The following CCDC7 variants were observed in gnomAD, a reference collection of about 807,000 sequenced individuals.
CCDC7 encodes the protein coiled-coil domain-containing protein 7.
In CCDC7, 183 loss-of-function variants were observed where a neutral mutation model predicts 196.9. The ratio of observed to expected loss-of-function variants is 0.93; its 90% CI spans 0.82 to 1.05. The LOEUF is 1.05. Among genes scored for constraint, CCDC7 ranks in the 50% least tolerant of loss-of-function variants. The probability of loss-of-function intolerance (pLI) is 0.00; values close to 1 mark genes in which losing one functional copy is unlikely to be tolerated. For synonymous variants in CCDC7, 525 were observed against 484.6 expected (o/e 1.08, Z -1.10); for missense variants, 1,540 against 1,482.2 (o/e 1.04, Z -0.64).
intron 3 of CCDC7, among the ~76,000 whole-genome samples, chr10:32,460,192 CAG>C (rs778840792): frequency 3.8e-4 from 57 of 151,974 alleles, no homozygotes; most frequent in African/African-American, 5.8e-4. Context: ...AAATTTCAAA[CAG>C]GGGCAAAATT....
chr10:32,594,491 G>A (rs1160273123), intron 18 of CCDC7, among the ~76,000 whole-genome samples: 2 of 152,170 alleles, frequency 1.3e-5, no homozygotes, highest in Non-Finnish European at 2.9e-5. Context: ...CATGTCATCT[G>A]CAAACAGGGG....
chr10:32,823,984 C>G (rs2090705969), intron 31 of CCDC7, among the ~76,000 whole-genome samples: 1 of 151,968 alleles, frequency 6.6e-6, no homozygotes, highest in Admixed American at 6.6e-5. Context: ...GTTACACCAC[C>G]TAAAATAGAC....
At chr10:32,851,786 A>G (rs901003210) in intron 39 of CCDC7, 21 bp from the exon 41 acceptor site, 5 of 1,604,844 alleles carry the variant, frequency 3.1e-6, no homozygotes, top group Non-Finnish European at 4.3e-6. Context: ...TATGGCTAAC[A>G]TATTTTCCAA....
intron 28 of CCDC7, among the ~76,000 whole-genome samples, chr10:32,739,503 A>G (rs1276928081): frequency 1.3e-5 from 2 of 151,896 alleles, no homozygotes; most frequent in East Asian, 3.9e-4. Context: ...TCCTGCTTAC[A>G]TTATCTATTT....
chr10:32,879,042 T>C (rs1416062666), downstream of CCDC7, among the ~76,000 whole-genome samples: 1 of 151,516 alleles, frequency 6.6e-6, no homozygotes, highest in East Asian at 2.0e-4. Flanking sequence ...ATTCTTTACT[T>C]GTCACTATCT....
At chr10:32,823,942 C>A (rs1285055323) in intron 31 of CCDC7, among the ~76,000 whole-genome samples, 1 of 152,064 alleles carries the variant, frequency 6.6e-6, no homozygotes, top group East Asian at 1.9e-4. Flanking sequence ...ATTTATTATT[C>A]TTTTTTATCA....
At chr10:32,811,893 A>T (rs1179687340) in intron 30 of CCDC7, among the ~76,000 whole-genome samples, 1 of 152,146 alleles carries the variant, frequency 6.6e-6, no homozygotes, top group Non-Finnish European at 1.5e-5. Context: ...GATCTATCCC[A>T]CGGATGTAAG....
intron 18 of CCDC7, among the ~76,000 whole-genome samples, chr10:32,594,041 T>G (rs962211135): frequency 6.6e-6 from 1 of 152,228 alleles, no homozygotes; most frequent in African/African-American, 2.4e-5. Context: ...GGCTCTTTTT[T>G]GGTTCCATAT....
chr10:32,640,797 G>C (rs183046677), intron 20 of CCDC7, among the ~76,000 whole-genome samples: 2 of 151,518 alleles, frequency 1.3e-5, no homozygotes, highest in African/African-American at 2.4e-5. Context: ...TGAAATTCTG[G>C]GTTGAAAATT....
chr10:32,821,398 G>C (rs1181625239), intron 31 of CCDC7, among the ~76,000 whole-genome samples: 1 of 152,180 alleles, frequency 6.6e-6, no homozygotes, highest in Admixed American at 6.5e-5. Flanking sequence ...GTGGAAGTCA[G>C]TGTGGCGATT....
At chr10:32,711,698 T>G in exon 25 of CCDC7, 2 of 1,587,510 alleles carry the variant, frequency 1.3e-6, no homozygotes, top group South Asian at 1.2e-5. Context: ...CAATTAGAGA[T>G]TCAAGAAACT....
At chr10:32,643,488 A>G (rs2067207697) in intron 20 of CCDC7, among the ~76,000 whole-genome samples, 1 of 151,956 alleles carries the variant, frequency 6.6e-6, no homozygotes, top group Admixed American at 6.6e-5. Flanking sequence ...GAACGTTTCA[A>G]TGTTTTAATT....
chr10:32,750,983 A>G (rs1014888188), intron 28 of CCDC7, among the ~76,000 whole-genome samples: 7 of 152,176 alleles, frequency 4.6e-5, no homozygotes, highest in African/African-American at 1.2e-4. Context: ...GGGTAGTGGT[A>G]TAAGAAATAA....
At chr10:32,466,104 C>T (rs1458929724) in intron 5 of CCDC7, among the ~76,000 whole-genome samples, 3 of 152,128 alleles carry the variant, frequency 2.0e-5, no homozygotes, top group African/African-American at 7.2e-5. Flanking sequence ...GGAGGAATCC[C>T]CACTGCACAG....
intron 33 of CCDC7, among the ~76,000 whole-genome samples, chr10:32,842,510 A>G (rs548828603): frequency 6.6e-6 from 1 of 152,238 alleles, no homozygotes; most frequent in African/African-American, 2.4e-5. Flanking sequence ...GTAAACTAGT[A>G]CAACCACTGT....
At chr10:32,833,353 TAAAA>T (rs71185223) in intron 32 of CCDC7, among the ~76,000 whole-genome samples, 29,926 of 149,944 alleles carry the variant, frequency 0.2, 3,116 homozygotes, top group Non-Finnish European at 0.22. Context: ...ACCCTTTTTT[TAAAA>T]AAAAAAAAAA....
In CCDC7 at chr10:32,754,928, G is replaced by A. The variant is rs550161957; in HGVS notation, c.2906-24049G>A. ...TGGGACACTCCCACCCTAATACTGCGCTTTTCCAATGGTCTTAGCAAACAG... is the reference window on the plus strand; with the variant it reads ...TGGGACACTCCCACCCTAATACTGCACTTTTCCAATGGTCTTAGCAAACAG... On this transcript the variant is annotated intron_variant, in intron 28 of 41. Transcript: ENST00000639629. 3.9e-4 allele frequency among the ~76,000 whole-genome samples: 59 copies of A among 151,776 alleles called. No homozygotes were observed. In the South Asian group the frequency reaches 7.9e-3, roughly 20 times the overall value.
At chr10:32,561,129 A>G (rs544468036) in intron 13 of CCDC7, among the ~76,000 whole-genome samples, 86 of 152,354 alleles carry the variant, frequency 5.6e-4, no homozygotes, top group African/African-American at 1.8e-3. Flanking sequence ...TCCTAAATAT[A>G]TATGCATCCA....
At chr10:32,557,692 A>T (rs1671647366) in intron 13 of CCDC7, among the ~76,000 whole-genome samples, 1 of 151,868 alleles carries the variant, frequency 6.6e-6, no homozygotes, top group Non-Finnish European at 1.5e-5. Flanking sequence ...TTTCCATTTG[A>T]CTATTTTTTT....
Sources: gnomAD v4.1 joint callset for allele counts (sites outside exome capture counted in the v4.1 genomes callset) on GRCh38, gnomAD v4.1.1 for gene constraint, MANE v1.5 for transcripts, NCBI Gene and HGNC (gene_info 2026-07-23, HGNC 2026-07-21) for gene names.